Variants in DAPK2 observed in about 807,000 individuals in gnomAD.
DAPK2 encodes death-associated protein kinase 2.
Under a neutral mutation model 44.1 loss-of-function variants are expected in DAPK2, and 35 were observed. That is an observed-to-expected ratio of 0.79 (90% CI 0.61 to 1.05). DAPK2 has a LOEUF of 1.05. DAPK2 is among the 50% of genes least tolerant of loss of function. The pLI is 0.00. For synonymous variants in DAPK2, 174 were observed against 182.6 expected (o/e 0.95, Z 0.38); for missense variants, 453 against 483.2 (o/e 0.94, Z 0.59).
intron 3 of DAPK2, among the ~76,000 whole-genome samples, chr15:63,955,954 T>G (rs960120588): frequency 1.3e-5 from 2 of 152,238 alleles, no homozygotes; most frequent in Non-Finnish European, 2.9e-5. Context: ...AAACTTCATA[T>G]TACAGCTTTG....
intron 2 of DAPK2, among the ~76,000 whole-genome samples, chr15:63,973,392 G>A (rs142653214): frequency 6.6e-6 from 1 of 152,336 alleles, no homozygotes; most frequent in Non-Finnish European, 1.5e-5. Flanking sequence ...ACCCCCATGG[G>A]CCTGGAGGGC....
intron 1 of DAPK2, chr15:63,991,128 A>G: frequency 2.4e-6 from 1 of 414,876 alleles, no homozygotes. Context: ...TATTCAGGAA[A>G]CCAAAACAGA....
chr15:64,044,387 T>C (rs2080413592), upstream of DAPK2, among the ~76,000 whole-genome samples: 1 of 152,150 alleles, frequency 6.6e-6, no homozygotes, highest in African/African-American at 2.4e-5. Context: ...ATCACCAGGG[T>C]GAGAAGGGGA....
chr15:63,930,540 C>T, intron 4 of DAPK2, 85 bp from the exon 6 acceptor site: 1 of 1,207,234 alleles, frequency 8.3e-7, no homozygotes, highest in Non-Finnish European at 1.2e-6. Context: ...AATTTGGTGC[C>T]AAATATCTCC....
intron 3 of DAPK2, among the ~76,000 whole-genome samples, chr15:63,948,809 G>A (rs912285950): frequency 6.6e-6 from 1 of 152,176 alleles, no homozygotes; most frequent in Non-Finnish European, 1.5e-5. Flanking sequence ...AGTCACATGT[G>A]TCTCATTTTG....
chr15:63,944,412 C>T (rs2077397354), intron 3 of DAPK2, among the ~76,000 whole-genome samples: 1 of 152,176 alleles, frequency 6.6e-6, no homozygotes, highest in African/African-American at 2.4e-5. Flanking sequence ...GGGATTTGGG[C>T]CCCTAAACCT....
At chr15:64,015,450 G>C (rs891098549) in intron 1 of DAPK2, among the ~76,000 whole-genome samples, 5 of 152,220 alleles carry the variant, frequency 3.3e-5, no homozygotes, top group Non-Finnish European at 5.9e-5. Flanking sequence ...AGCCTGCAGT[G>C]AGTGGATTGA....
chr15:63,994,154 G>T (rs568016741), intron 1 of DAPK2, among the ~76,000 whole-genome samples: 1 of 152,222 alleles, frequency 6.6e-6, no homozygotes, highest in Admixed American at 6.5e-5. Context: ...CTATAAGCCA[G>T]CCTGTAAGAG....
At chr15:63,953,956 T>G (rs2077656484) in intron 3 of DAPK2, among the ~76,000 whole-genome samples, 1 of 152,242 alleles carries the variant, frequency 6.6e-6, no homozygotes, top group Admixed American at 6.5e-5. Flanking sequence ...TGCCCATTTT[T>G]TAACCTTTCC....
At chr15:64,006,458 A>T (rs332264) in intron 1 of DAPK2, among the ~76,000 whole-genome samples, 5,942 of 152,178 alleles carry the variant, frequency 0.039, 348 homozygotes, top group African/African-American at 0.13. Flanking sequence ...CCAGCTAAGG[A>T]CGTACAACAT....
At chr15:63,999,716 G>C (rs998284392) in intron 1 of DAPK2, among the ~76,000 whole-genome samples, 1 of 151,872 alleles carries the variant, frequency 6.6e-6, no homozygotes, top group African/African-American at 2.4e-5. Context: ...CTTGCCAGAG[G>C]CACCATTTTT....
intron 4 of DAPK2, among the ~76,000 whole-genome samples, chr15:63,933,220 C>A (rs1240727855): frequency 2.0e-5 from 3 of 152,072 alleles, no homozygotes; most frequent in Non-Finnish European, 4.4e-5. Context: ...AAACTGTGGT[C>A]ATTTTTCTAA....
intron 8 of DAPK2, among the ~76,000 whole-genome samples, chr15:63,914,543 G>C (rs1352090131): frequency 6.6e-6 from 1 of 152,168 alleles, no homozygotes; most frequent in East Asian, 1.9e-4. Context: ...AAAGTGGATG[G>C]AGGGTGACCA....
At chr15:64,029,025 AAAC>A (rs2141129630) in intron 1 of DAPK2, among the ~76,000 whole-genome samples, 1 of 152,310 alleles carries the variant, frequency 6.6e-6, no homozygotes, top group African/African-American at 2.4e-5. Context: ...TGGAGTCAAA[AAAC>A]AACAATCCAA....
intron 5 of DAPK2, 138 bp downstream of exon 6, chr15:63,930,269 G>A (rs2079497588): frequency 4.5e-6 from 4 of 883,496 alleles, no homozygotes; most frequent in Non-Finnish European, 7.4e-6. Flanking sequence ...AACACATCGG[G>A]GGAGCAGCCA....
intron 1 of DAPK2, among the ~76,000 whole-genome samples, chr15:63,987,356 T>C (rs1037847): frequency 0.95 from 143,961 of 152,194 alleles, 68,613 homozygotes; most frequent in East Asian, 1. Flanking sequence ...GAGGCGAGGG[T>C]CTGTCTACTT....
chr15:64,039,115 C>G (rs2080288702), intron 1 of DAPK2, among the ~76,000 whole-genome samples: 1 of 152,222 alleles, frequency 6.6e-6, no homozygotes, highest in Non-Finnish European at 1.5e-5. Context: ...CCAAACTGTG[C>G]TGTGACAACT....
At chr15:64,032,621 G>GA (rs2141154373) in intron 1 of DAPK2, among the ~76,000 whole-genome samples, 1 of 152,246 alleles carries the variant, frequency 6.6e-6, no homozygotes, top group African/African-American at 2.4e-5. Context: ...CTGTGGGTAT[G>GA]AAAAATACCC....
chr15:63,931,504 G>C (rs575135640), intron 4 of DAPK2, among the ~76,000 whole-genome samples: 78 of 152,332 alleles, frequency 5.1e-4, no homozygotes, highest in African/African-American at 1.8e-3. Context: ...AAGTGATGAA[G>C]AAGAAGGCAG....
Sources: allele counts gnomAD v4.1 joint callset (sites outside exome capture counted in the v4.1 genomes callset), GRCh38; gene constraint gnomAD v4.1.1; transcripts MANE v1.5; gene names NCBI Gene and HGNC (gene_info 2026-07-23, HGNC 2026-07-21).